Variants in NNT observed in about 807,000 individuals in gnomAD.
NNT encodes nicotinamide nucleotide transhydrogenase, also known as NAD(P) transhydrogenase, mitochondrial.
A neutral mutation model predicts 104.8 loss-of-function variants in NNT; 50 were observed. That is an observed-to-expected ratio of 0.48 (90% CI 0.38 to 0.60). NNT has a LOEUF of 0.60. Ranked by LOEUF, NNT falls within the 20% of genes least tolerant of loss-of-function variation. The probability of loss-of-function intolerance (pLI) is 0.00; values close to 1 mark genes in which losing one functional copy is unlikely to be tolerated. For missense variants in NNT, 1,131 were observed against 1,330.7 expected, an observed-to-expected ratio of 0.85 and a Z score of 2.33; for synonymous variants, 461 against 490.4, an observed-to-expected ratio of 0.94 and a Z score of 0.79.
intron 19 of NNT, among the ~76,000 whole-genome samples, chr5:43,697,029 T>C (rs1304596925): frequency 6.6e-6 from 1 of 152,254 alleles, no homozygotes; most frequent in Non-Finnish European, 1.5e-5. Flanking sequence ...TCATTACTTA[T>C]GTAAGTTTCT....
At chr5:43,694,914 G>A (rs1742481670) in intron 19 of NNT, among the ~76,000 whole-genome samples, 1 of 152,062 alleles carries the variant, frequency 6.6e-6, no homozygotes, top group Admixed American at 6.6e-5. Context: ...GTAGATTTGA[G>A]CTGTCAATTC....
At position 43,667,249 on chromosome 5, in the gene NNT, G is replaced by T. The variant is rs1740757827; in HGVS notation, c.2634+7899G>T. The T allele has an allele frequency of 3.4e-6, 3 of 878,368 alleles. No homozygotes were observed. In the Admixed American group the frequency reaches 5.2e-5, roughly 15 times the overall value. 54.4% of individuals were successfully genotyped at this position (878,368 alleles called of 1,614,324 possible). A position where few individuals can be genotyped will look rare whatever the true frequency, so the allele number is the denominator to read the frequency against. On this transcript the variant is annotated intron_variant, in intron 17 of 21. Coordinates refer to ENST00000344920, the MANE Select transcript of NNT (RefSeq NM_182977.3). The stretch of plus-strand genomic sequence containing the variant: ...CTTGGCCATGTCTGCACCTTAAGCT[G>T]CCGGTCCCGAAGTGCCTAGAACCCT...
At chr5:43,691,373 G>A (rs757058526) in intron 19 of NNT, among the ~76,000 whole-genome samples, 6 of 152,242 alleles carry the variant, frequency 3.9e-5, no homozygotes, top group Non-Finnish European at 2.9e-5. Flanking sequence ...TAAAGTGCTC[G>A]GATTACAGGT....
At chr5:43,693,967 T>G (rs920551391) in intron 19 of NNT, among the ~76,000 whole-genome samples, 1 of 152,196 alleles carries the variant, frequency 6.6e-6, no homozygotes, top group Non-Finnish European at 1.5e-5. Context: ...TTGCTATCAG[T>G]GCTAATAAAA....
At chr5:43,685,065 T>C (rs759424695) in intron 19 of NNT, among the ~76,000 whole-genome samples, 1 of 152,200 alleles carries the variant, frequency 6.6e-6, no homozygotes, top group Non-Finnish European at 1.5e-5. Flanking sequence ...ACATTTTTGG[T>C]ATAATTTCTA....
chr5:43,644,221 G>T lies in NNT; in HGVS notation c.994G>T (p.Glu332Ter). Residue 332 changes from glutamate (E) to a stop codon, truncating the protein, a stop_gained, in exon 8 of 22, where the codon GAA becomes TAA. Coordinates refer to ENST00000344920, the MANE Select transcript of NNT (RefSeq NM_182977.3). LOFTEE classifies it high-confidence loss of function. ...AAAAGCTCCAGTTTTATTTAATAAA[G>T]AAATGATTGAGTCAATGAAGGAAGG... ...GKKAPVLFNK[E>*]MIESMKEGSV... 6.2e-7 allele frequency: 1 copy of T among 1,608,638 alleles called. No homozygotes were observed. Among genetic ancestry groups the T allele is most frequent in the Non-Finnish European group, 8.5e-7 (1 of 1,178,380 alleles).
At chr5:43,677,911 CCG>C in intron 19 of NNT, 105 bp downstream of exon 19, 3 of 838,796 alleles carry the variant, frequency 3.6e-6, no homozygotes, top group Non-Finnish European at 5.9e-6. Flanking sequence ...GGGCACTGAC[CCG>C]CCCATACAAT....
Sources: gnomAD v4.1 joint callset for allele counts (sites outside exome capture counted in the v4.1 genomes callset) on GRCh38, gnomAD v4.1.1 for gene constraint, MANE v1.5 for transcripts, NCBI Gene and HGNC (gene_info 2026-07-23, HGNC 2026-07-21) for gene names.